Variants in GRM5 observed in about 807,000 individuals in gnomAD.
GRM5 encodes the protein metabotropic glutamate receptor 5.
A neutral mutation model predicts 83.1 loss-of-function variants in GRM5; 19 were observed. That is an observed-to-expected ratio of 0.23 (90% CI 0.16 to 0.34). The LOEUF (loss-of-function observed/expected upper bound fraction) is 0.34, where lower values mean the gene tolerates loss of function less well. Ranked by LOEUF, GRM5 falls within the 10% of genes least tolerant of loss-of-function variation. The probability of loss-of-function intolerance (pLI) is 1.00; values close to 1 mark genes in which losing one functional copy is unlikely to be tolerated. For synonymous variants in GRM5, 675 were observed against 633.6 expected (o/e 1.07, Z -0.98); for missense variants, 1,160 against 1,588.3 (o/e 0.73, Z 4.58).
At chr11:88,659,392 G>A (rs1021137362) in intron 3 of GRM5, among the ~76,000 whole-genome samples, 1 of 152,098 alleles carries the variant, frequency 6.6e-6, no homozygotes, top group Non-Finnish European at 1.5e-5. Context: ...TGTTAAAAAT[G>A]CAAGTTAACA....
In GRM5 at chr11:88,653,208, C is replaced by T. The variant is rs766340398; in HGVS notation, c.1107G>A (p.Gly369=). The change falls in exon 4 of 10, where the codon GGG becomes GGA. Residue 369 remains glycine (G), a synonymous_variant. Transcript: ENST00000305447. ...TGTATTTGCTGTTCTCCTGTGGAAA[C>T]CCTTCCAGTCGGCACTGAAAACGAT... ...WQHRFQCRLE[G]FPQENSKYNK... is the part of the protein sequence containing the mutation. The T allele has an allele frequency of 9.9e-6, 16 of 1,612,296 alleles. No individual in the cohort carries two copies. The highest frequency in any genetic ancestry group is 9.9e-5 in the South Asian group (9 of 91,032).
intron 2 of GRM5, among the ~76,000 whole-genome samples, chr11:88,874,297 C>T (rs1398914885): frequency 6.6e-6 from 1 of 151,754 alleles, no homozygotes; most frequent in African/African-American, 2.4e-5. Flanking sequence ...GCATTTCCAG[C>T]CAATTGCTTT....
chr11:88,648,326 A>C (rs1276389613), intron 4 of GRM5, among the ~76,000 whole-genome samples: 3 of 148,872 alleles, frequency 2.0e-5, no homozygotes, highest in East Asian at 2.0e-4. Context: ...TGCAGCCATA[A>C]AAAATGATGA....
intron 3 of GRM5, among the ~76,000 whole-genome samples, chr11:88,720,371 G>A (rs1471303659): frequency 6.6e-6 from 1 of 152,036 alleles, no homozygotes; most frequent in African/African-American, 2.4e-5. Context: ...TTAAGTGAAG[G>A]TGGAAGTAAG....
chr11:88,957,856 T>C (rs1421408987), intron 2 of GRM5, among the ~76,000 whole-genome samples: 1 of 152,140 alleles, frequency 6.6e-6, no homozygotes, highest in African/African-American at 2.4e-5. Flanking sequence ...AGTATCCAAA[T>C]TTATCCCACA....
intron 3 of GRM5, among the ~76,000 whole-genome samples, chr11:88,811,288 G>A (rs1007868496): frequency 6.6e-6 from 1 of 152,062 alleles, no homozygotes; most frequent in African/African-American, 2.4e-5. Context: ...TAGACTTTGT[G>A]ACAGTTTGGA....
At chr11:88,618,560 C>T (rs565065393) in intron 4 of GRM5, among the ~76,000 whole-genome samples, 1 of 151,062 alleles carries the variant, frequency 6.6e-6, no homozygotes, top group Admixed American at 6.6e-5. Context: ...AGACACTGTG[C>T]TGGATGCTGC....
At chr11:88,931,384 C>T (rs958936886) in intron 2 of GRM5, among the ~76,000 whole-genome samples, 1 of 151,662 alleles carries the variant, frequency 6.6e-6, no homozygotes, top group Non-Finnish European at 1.5e-5. Flanking sequence ...TAACACCTAA[C>T]CATGCAAAAT....
chr11:88,541,225 G>A (rs954167428), intron 8 of GRM5, among the ~76,000 whole-genome samples: 1 of 152,158 alleles, frequency 6.6e-6, no homozygotes, highest in African/African-American at 2.4e-5. Flanking sequence ...ATAAAGGAAA[G>A]TGAGATTACT....
At chr11:88,513,694 T>G (rs78888323) in intron 9 of GRM5, among the ~76,000 whole-genome samples, 2,470 of 152,196 alleles carry the variant, frequency 0.016, 64 homozygotes, top group African/African-American at 0.057. Context: ...CTCAGAATGA[T>G]GTTGAGCAAA....
At chr11:88,651,228 G>A (rs899952206) in intron 4 of GRM5, among the ~76,000 whole-genome samples, 1 of 152,000 alleles carries the variant, frequency 6.6e-6, no homozygotes, top group Non-Finnish European at 1.5e-5. Flanking sequence ...AGGAAATAAA[G>A]AGTCAGAGAA....
chr11:88,879,282 C>G lies in GRM5; in HGVS notation c.662-29127G>C, dbSNP rs191305692. ...AAAATAACAAACTGGGAGGAAGTAT[C>G]TGGTAATCACAGATCTGACTTGTAT... is the stretch of plus-strand genomic sequence containing the variant. On this transcript the variant is annotated intron_variant, in intron 2 of 9. Coordinates refer to ENST00000305447, the MANE Select transcript of GRM5 (RefSeq NM_001143831.3). Among the ~76,000 whole-genome samples the G allele has an allele frequency of 4.4e-3, 665 of 152,060 alleles. 4 individuals carry two copies. Among genetic ancestry groups the G allele is most frequent in the South Asian group, 0.026 (127 of 4,816 alleles).
intron 3 of GRM5, among the ~76,000 whole-genome samples, chr11:88,689,029 G>A (rs947718354): frequency 3.3e-5 from 5 of 151,930 alleles, no homozygotes; most frequent in African/African-American, 9.7e-5. Context: ...AATTAATAAC[G>A]TAATGCTCAC....
chr11:88,669,836 A>G lies in GRM5; in HGVS notation c.912-16433T>C, dbSNP rs543070163. Among the ~76,000 whole-genome samples the G allele has an allele frequency of 2.0e-5, 3 of 151,492 alleles. No individual in the cohort carries two copies. The South Asian group carries it at 6.2e-4, about 31-fold the overall frequency. On this transcript the variant is annotated intron_variant, in intron 3 of 9. Coordinates refer to ENST00000305447, the MANE Select transcript of GRM5 (RefSeq NM_001143831.3). Reference sequence around the variant, plus strand: ...TAAATTGGATGAATGAATAATGTACAGTTAATTCTCTTAAAGTCGATTACA... The same window carrying G: ...TAAATTGGATGAATGAATAATGTACGGTTAATTCTCTTAAAGTCGATTACA...
At chr11:89,022,832 T>G (rs1591056031) in intron 2 of GRM5, among the ~76,000 whole-genome samples, 1 of 152,288 alleles carries the variant, frequency 6.6e-6, no homozygotes, top group East Asian at 1.9e-4. Flanking sequence ...AGTGGATCAC[T>G]TGTCATGGGG....
At chr11:88,516,828 A>G (rs1385758490) in intron 9 of GRM5, among the ~76,000 whole-genome samples, 1 of 151,878 alleles carries the variant, frequency 6.6e-6, no homozygotes, top group African/African-American at 2.4e-5. Context: ...TCTTTGTACT[A>G]TTAAAACAAA....
intron 3 of GRM5, among the ~76,000 whole-genome samples, chr11:88,847,948 C>G (rs1464195484): frequency 6.6e-6 from 1 of 152,194 alleles, no homozygotes; most frequent in African/African-American, 2.4e-5. Context: ...GATCAAAGAA[C>G]ATTTGCTTTT....
chr11:88,845,423 C>T (rs527802397), intron 3 of GRM5, among the ~76,000 whole-genome samples: 21 of 92,440 alleles, frequency 2.3e-4, no homozygotes, highest in African/African-American at 3.6e-4. Context: ...ATAAACATAA[C>T]TTTTTTTTTT....
chr11:88,872,994 G>A (rs1304998973), intron 2 of GRM5, among the ~76,000 whole-genome samples: 1 of 147,472 alleles, frequency 6.8e-6, no homozygotes, highest in African/African-American at 2.5e-5. Flanking sequence ...GATACACGAA[G>A]ACTGAAAGTG....
Sources: allele counts gnomAD v4.1 joint callset (sites outside exome capture counted in the v4.1 genomes callset), GRCh38; gene constraint gnomAD v4.1.1; transcripts MANE v1.5; gene names NCBI Gene and HGNC (gene_info 2026-07-23, HGNC 2026-07-21).